The following NTRK2 variants were observed in gnomAD, a reference collection of about 807,000 sequenced individuals.
NTRK2 encodes the protein neurotrophic receptor tyrosine kinase 2, also known as BDNF/NT-3 growth factors receptor.
NTRK2 carries 13 observed loss-of-function variants against 94.5 expected under a neutral mutation model. The observed-to-expected ratio is 0.14, with a 90% CI of 0.09 to 0.22. NTRK2 has a LOEUF of 0.22. NTRK2 is among the 10% of genes least tolerant of loss of function. The probability of loss-of-function intolerance (pLI) is 1.00; values close to 1 mark genes in which losing one functional copy is unlikely to be tolerated. For synonymous variants in NTRK2, 372 were observed against 407.4 expected, an observed-to-expected ratio of 0.91 and a Z score of 1.05; for missense variants, 639 against 1,071.2, an observed-to-expected ratio of 0.60 and a Z score of 5.63.
intron 12 of NTRK2, among the ~76,000 whole-genome samples, chr9:84,783,549 G>A (rs1259646938): frequency 6.6e-6 from 1 of 152,214 alleles, no homozygotes; most frequent in Admixed American, 6.5e-5. Context: ...GGGAAAATGT[G>A]AAGTCAGTGG....
At chr9:84,797,595 C>CTA (rs1462812735) in intron 12 of NTRK2, among the ~76,000 whole-genome samples, 2 of 69,630 alleles carry the variant, frequency 2.9e-5, no homozygotes, top group Non-Finnish European at 5.1e-5. Flanking sequence ...ACTATATATA[C>CTA]TATATATTAT....
At chr9:84,743,725 G>A (rs1297374124) in intron 10 of NTRK2, among the ~76,000 whole-genome samples, 1 of 152,180 alleles carries the variant, frequency 6.6e-6, no homozygotes, top group Non-Finnish European at 1.5e-5. Context: ...AAAATGTCAT[G>A]ATACTAAACT....
intron 9 of NTRK2, among the ~76,000 whole-genome samples, chr9:84,734,553 G>A (rs543276659): frequency 8.3e-4 from 126 of 152,354 alleles, no homozygotes; most frequent in African/African-American, 2.6e-3. Flanking sequence ...TAGCTCCCAT[G>A]ATTTCCACGT....
intron 12 of NTRK2, among the ~76,000 whole-genome samples, chr9:84,839,073 G>A (rs2074032302): frequency 2.0e-5 from 3 of 152,122 alleles, no homozygotes; most frequent in Non-Finnish European, 2.9e-5. Context: ...ACTCACATTT[G>A]CACTGATTCA....
intron 12 of NTRK2, among the ~76,000 whole-genome samples, chr9:84,818,845 A>G (rs1425991667): frequency 6.6e-6 from 1 of 152,240 alleles, no homozygotes; most frequent in Admixed American, 6.5e-5. Flanking sequence ...GAATCCAGAC[A>G]TCAGAACAAG....
intron 14 of NTRK2, chr9:84,875,122 T>G: frequency 9.4e-7 from 1 of 1,060,468 alleles, no homozygotes; most frequent in Non-Finnish European, 1.1e-6. Context: ...CTTGTGGATA[T>G]CCTTTTAATC....
chr9:85,021,413 G>T lies in NTRK2; in HGVS notation c.2493G>T (p.Pro831=), dbSNP rs75066745. 2 of 1,614,106 alleles carry T rather than the reference G, an allele frequency of 1.2e-6. No individual in the cohort carries two copies. Among genetic ancestry groups the T allele is most frequent in the Non-Finnish European group, 1.7e-6 (2 of 1,180,006 alleles). Residue 831 remains proline (P), a synonymous_variant, in exon 19 of 19, where the codon CCG becomes CCT. Transcript: ENST00000277120. ...TLLQNLAKAS[P]VYLDILG ...TTCAGAACTTGGCCAAGGCATCTCC[G>T]GTCTACCTGGACATTCTAGGCTAGG...
chr9:84,741,717 G>A (rs962034904), intron 9 of NTRK2, among the ~76,000 whole-genome samples, 175 bp from the exon 10 acceptor site: 2 of 152,098 alleles, frequency 1.3e-5, no homozygotes, highest in Admixed American at 1.3e-4. Flanking sequence ...GGAGGGGAAC[G>A]GAGTTAATGT....
At chr9:84,980,155 C>G (rs1032510758) in intron 17 of NTRK2, among the ~76,000 whole-genome samples, 2 of 152,066 alleles carry the variant, frequency 1.3e-5, no homozygotes, top group African/African-American at 2.4e-5. Context: ...GTGTGTGTGC[C>G]TAGTCTTTTC....
Position 84,693,519 on chromosome 9 carries a change from A to G in NTRK2, c.213-8640A>G, listed in dbSNP as rs74737046. 5.4e-3 allele frequency among the ~76,000 whole-genome samples: 828 copies of G among 152,260 alleles called. 11 individuals are homozygous for G. Among genetic ancestry groups the G allele is most frequent in the African/African-American group, 0.019 (791 of 41,550 alleles). On this transcript the variant is annotated intron_variant, in intron 2 of 18. Coordinates refer to ENST00000277120, the MANE Select transcript of NTRK2 (RefSeq NM_006180.6). ...GAAGATTTTTTCTCATAATTTATGT[A>G]TTGAAGAGATGTGAGATATTATCAA...
chr9:84,703,296 C>T (rs192780888), intron 4 of NTRK2, among the ~76,000 whole-genome samples: 47 of 152,330 alleles, frequency 3.1e-4, no homozygotes. Context: ...GGGACCCTCA[C>T]CTGGATTATT....
intron 17 of NTRK2, among the ~76,000 whole-genome samples, chr9:84,963,677 A>G (rs545822364): frequency 5.3e-5 from 8 of 152,296 alleles, no homozygotes; most frequent in African/African-American, 1.9e-4. Flanking sequence ...TCTTTGCTCA[A>G]ATATTAATTC....
intron 6 of NTRK2, among the ~76,000 whole-genome samples, chr9:84,722,160 CTTTTTTTTTTTT>C (rs36100177): frequency 6.0e-5 from 4 of 67,090 alleles, no homozygotes; most frequent in African/African-American, 6.1e-5. Flanking sequence ...CTATTAGGGG[CTTTTTTTTTTTT>C]TTTTTTTTTT....
At chr9:84,738,813 A>G (rs2063433402) in intron 9 of NTRK2, among the ~76,000 whole-genome samples, 2 of 152,184 alleles carry the variant, frequency 1.3e-5, no homozygotes, top group South Asian at 4.1e-4. Context: ...TTCGTCTCAC[A>G]TTGTCTTTCT....
chr9:84,907,996 C>T (rs1034900173), intron 14 of NTRK2, among the ~76,000 whole-genome samples: 1 of 152,168 alleles, frequency 6.6e-6, no homozygotes, highest in Admixed American at 6.5e-5. Flanking sequence ...GGGAAATACT[C>T]AGCTGTGTTT....
rs191436655 is a variant in NTRK2, at chr9:85,024,524, C to T, written c.*3087C>T. ...TGAGACTCAGAGACATTCAGAGGCA[C>T]GCTAGAGGTCTCCAGCCTAGCTTCC... is the stretch of plus-strand genomic sequence containing the variant. On this transcript the variant is annotated 3_prime_UTR_variant, in exon 19 of 19. Transcript: ENST00000277120. The T allele has an allele frequency of 4.3e-5, 10 of 232,856 alleles. No homozygotes were observed. The highest frequency in any genetic ancestry group is 1.8e-4 in the South Asian group (1 of 5,512). 14.4% of individuals were successfully genotyped at this position (232,856 alleles called of 1,614,324 possible). A position where few individuals can be genotyped will look rare whatever the true frequency, so the allele number is the denominator to read the frequency against.
chr9:84,872,008 A>G (rs1172118859), intron 14 of NTRK2: 13 of 1,502,200 alleles, frequency 8.7e-6, no homozygotes, highest in Admixed American at 6.1e-5. Context: ...AGTGTGCTCT[A>G]ATGACTAACC....
chr9:84,923,318 A>G (rs2077629678), intron 14 of NTRK2, among the ~76,000 whole-genome samples: 1 of 152,238 alleles, frequency 6.6e-6, no homozygotes, highest in Non-Finnish European at 1.5e-5. Flanking sequence ...GCCCAGCTGC[A>G]GAACACTTTG....
At chr9:84,808,218 G>A (rs903200920) in intron 12 of NTRK2, among the ~76,000 whole-genome samples, 1 of 152,182 alleles carries the variant, frequency 6.6e-6, no homozygotes, top group Admixed American at 6.5e-5. Flanking sequence ...AGTTAGCTGT[G>A]TTTCCAACTG....
Sources: gnomAD v4.1 joint callset for allele counts (sites outside exome capture counted in the v4.1 genomes callset) on GRCh38, gnomAD v4.1.1 for gene constraint, MANE v1.5 for transcripts, NCBI Gene and HGNC (gene_info 2026-07-23, HGNC 2026-07-21) for gene names.